Variants in OPCML observed in about 807,000 individuals in gnomAD.
OPCML encodes the protein opioid binding protein/cell adhesion molecule like, also known as opioid-binding protein/cell adhesion molecule.
Under a neutral mutation model 37.8 loss-of-function variants are expected in OPCML, and 13 were observed. The ratio of observed to expected loss-of-function variants is 0.34; its 90% CI spans 0.22 to 0.55. OPCML has a LOEUF of 0.55. Among genes scored for constraint, OPCML ranks in the 20% least tolerant of loss-of-function variants. The pLI, the probability that OPCML is intolerant of heterozygous loss-of-function variation, is 0.91. For missense variants in OPCML, 341 were observed against 435.6 expected (o/e 0.78, Z 1.93); for synonymous variants, 176 against 168.8 (o/e 1.04, Z -0.33).
chr11:132,871,122 C>T (rs1175475070), intron 2 of OPCML, among the ~76,000 whole-genome samples: 4 of 151,862 alleles, frequency 2.6e-5, no homozygotes, highest in Non-Finnish European at 5.9e-5. Context: ...TTAGCCATTC[C>T]ACAATGTATA....
intron 4 of OPCML, among the ~76,000 whole-genome samples, chr11:132,505,907 A>C (rs2096255788): frequency 6.6e-6 from 1 of 151,648 alleles, no homozygotes; most frequent in South Asian, 2.1e-4. Flanking sequence ...AAAAAAATCT[A>C]TGTGTGTGCC....
intron 1 of OPCML, among the ~76,000 whole-genome samples, chr11:133,040,676 G>A (rs1252750226): frequency 3.9e-5 from 6 of 152,112 alleles, no homozygotes; most frequent in Admixed American, 3.3e-4. Context: ...ATGAGTACCT[G>A]CTACAGGAGA....
chr11:133,367,934 G>T (rs1944582100), intron 1 of OPCML, among the ~76,000 whole-genome samples: 1 of 152,132 alleles, frequency 6.6e-6, no homozygotes, highest in African/African-American at 2.4e-5. Context: ...CATGAGTCTT[G>T]GCAGTGTCTG....
At chr11:132,436,592 C>T in intron 6 of OPCML, 67 bp downstream of exon 6, 1 of 1,590,214 alleles carries the variant, frequency 6.3e-7, no homozygotes, top group South Asian at 1.1e-5. Context: ...CATCCTCATC[C>T]TTCTCCCATG....
chr11:133,523,498 C>T (rs182230167), intron 1 of OPCML, among the ~76,000 whole-genome samples: 1 of 152,326 alleles, frequency 6.6e-6, no homozygotes, highest in Admixed American at 6.5e-5. Context: ...GCCTGAACTA[C>T]TACAGTAGTC....
At chr11:132,976,968 G>A (rs1468807116) in intron 1 of OPCML, among the ~76,000 whole-genome samples, 1 of 152,082 alleles carries the variant, frequency 6.6e-6, no homozygotes, top group Non-Finnish European at 1.5e-5. Flanking sequence ...CAATGTTAAC[G>A]CATAGCAGAA....
chr11:133,452,109 C>T (rs1165279077), intron 1 of OPCML, among the ~76,000 whole-genome samples: 1 of 151,482 alleles, frequency 6.6e-6, no homozygotes, highest in Non-Finnish European at 1.5e-5. Context: ...ACTAGACTAC[C>T]AAGAAACAGG....
chr11:132,890,628 C>T (rs554080621), intron 2 of OPCML, among the ~76,000 whole-genome samples: 7 of 150,694 alleles, frequency 4.6e-5, no homozygotes, highest in South Asian at 2.1e-4. Context: ...AGGCGGATCA[C>T]GAGGTCAGGA....
At chr11:133,155,019 A>T (rs1950036404) in intron 1 of OPCML, among the ~76,000 whole-genome samples, 1 of 148,746 alleles carries the variant, frequency 6.7e-6, no homozygotes, top group Non-Finnish European at 1.5e-5. Flanking sequence ...ATTGCTGAGG[A>T]TTTCCACAGG....
chr11:133,187,816 T>G (rs897801708), intron 1 of OPCML, among the ~76,000 whole-genome samples: 3 of 152,190 alleles, frequency 2.0e-5, no homozygotes, highest in African/African-American at 7.2e-5. Flanking sequence ...AATATTCCCA[T>G]GAAGTACAGT....
chr11:132,721,436 T>C (rs1197917442), intron 2 of OPCML, among the ~76,000 whole-genome samples: 2 of 152,112 alleles, frequency 1.3e-5, no homozygotes, highest in Non-Finnish European at 2.9e-5. Context: ...CACAGCTGGC[T>C]AGGGACCAGC....
Position 133,386,232 on chromosome 11 carries a change from C to T in OPCML, c.61+146032G>A, listed in dbSNP as rs1945046953. Among the ~76,000 whole-genome samples the T allele has an allele frequency of 2.6e-5, 4 of 152,142 alleles. No homozygotes were observed. In the South Asian group the frequency reaches 8.3e-4, roughly 31 times the overall value. ...TTTTTCTTTCTTTTTATTTTTAACT[C>T]CTTTTTACATTTTCAGAATTATACT... On this transcript the variant is annotated intron_variant, in intron 1 of 7. Transcript: ENST00000524381.
chr11:132,839,425 C>T (rs982292217), intron 2 of OPCML, among the ~76,000 whole-genome samples: 5 of 152,226 alleles, frequency 3.3e-5, no homozygotes, highest in African/African-American at 1.2e-4. Flanking sequence ...GACTCCTTCC[C>T]ATATGGGAGG....
At chr11:133,399,963 T>A (rs189958648) in intron 1 of OPCML, among the ~76,000 whole-genome samples, 1 of 152,170 alleles carries the variant, frequency 6.6e-6, no homozygotes, top group East Asian at 1.9e-4. Context: ...CAAGCTAGAC[T>A]AACCTTCCAG....
At chr11:132,999,928 C>T (rs2136842549) in intron 1 of OPCML, among the ~76,000 whole-genome samples, 1 of 152,344 alleles carries the variant, frequency 6.6e-6, no homozygotes, top group Middle Eastern at 3.4e-3. Context: ...CAGCTTGTTT[C>T]AGGAAGCCTG....
intron 1 of OPCML, among the ~76,000 whole-genome samples, chr11:133,459,533 T>C (rs572205264): frequency 6.6e-6 from 1 of 152,186 alleles, no homozygotes; most frequent in South Asian, 2.1e-4. Context: ...TGGGAAAAGG[T>C]ATTCTATGCA....
intron 1 of OPCML, among the ~76,000 whole-genome samples, chr11:133,041,450 C>G (rs1247967968): frequency 6.6e-6 from 1 of 152,218 alleles, no homozygotes; most frequent in Non-Finnish European, 1.5e-5. Flanking sequence ...CTCTCCCACC[C>G]TCTGCAGTCT....
chr11:133,380,943 C>A (rs189733283), intron 1 of OPCML, among the ~76,000 whole-genome samples: 80 of 152,216 alleles, frequency 5.3e-4, no homozygotes, highest in African/African-American at 1.8e-3. Context: ...AGGTACGGAC[C>A]TAAGCTGTCT....
intron 3 of OPCML, among the ~76,000 whole-genome samples, chr11:132,553,339 G>T (rs996304871): frequency 6.6e-6 from 1 of 152,194 alleles, no homozygotes; most frequent in Non-Finnish European, 1.5e-5. Flanking sequence ...GATTTAATAG[G>T]CATGGCTGTT....
Sources: allele counts gnomAD v4.1 joint callset (sites outside exome capture counted in the v4.1 genomes callset), GRCh38; gene constraint gnomAD v4.1.1; transcripts MANE v1.5; gene names NCBI Gene and HGNC (gene_info 2026-07-23, HGNC 2026-07-21).